Variants in MYO6 observed in about 807,000 individuals in gnomAD.
The protein encoded by MYO6 is myosin VI.
A neutral mutation model predicts 178.7 loss-of-function variants in MYO6; 74 were observed. That is an observed-to-expected ratio of 0.41 (90% CI 0.34 to 0.50). The LOEUF (loss-of-function observed/expected upper bound fraction) is 0.50, where lower values mean the gene tolerates loss of function less well. Ranked by LOEUF, MYO6 falls within the 20% of genes least tolerant of loss-of-function variation. The probability of loss-of-function intolerance (pLI) is 0.09; values close to 1 mark genes in which losing one functional copy is unlikely to be tolerated. For missense variants in MYO6, 1,330 were observed against 1,547.4 expected, an observed-to-expected ratio of 0.86 and a Z score of 2.36; for synonymous variants, 477 against 504.6, an observed-to-expected ratio of 0.95 and a Z score of 0.73.
At chr6:75,896,190 C>CT (rs1420419591) in intron 29 of MYO6, among the ~76,000 whole-genome samples, 2 of 152,176 alleles carry the variant, frequency 1.3e-5, no homozygotes, top group African/African-American at 4.8e-5. Flanking sequence ...ATTCTCAACT[C>CT]TATCAGGCTC....
At chr6:75,885,591 C>T (rs189974575) in intron 23 of MYO6, among the ~76,000 whole-genome samples, 3 of 152,214 alleles carry the variant, frequency 2.0e-5, no homozygotes, top group African/African-American at 2.4e-5. Context: ...GGATTACAGG[C>T]GCCCGCCACC....
chr6:75,776,653 AGT>A lies in MYO6; in HGVS notation c.-48+27259_-48+27260del, dbSNP rs35830759. On this transcript the variant is annotated intron_variant, in intron 1 of 34. Transcript: ENST00000369977. ...CATTTTTAGTCTTGTAGAAACGTGC[AGT>A]GTGTGTGTGTGTGTGTGTGTGTGTG... is the stretch of plus-strand genomic sequence containing the variant. 1.5e-3 allele frequency among the ~76,000 whole-genome samples: 214 copies of A among 144,694 alleles called. 1 individual carries two copies. The highest frequency in any genetic ancestry group is 3.6e-3 in the Middle Eastern group (1 of 280). The allele number at this position is 144,694 out of a possible 152,430, so 94.9% of individuals were successfully genotyped here.
chr6:75,820,806 A>G (rs1771792524), intron 2 of MYO6, among the ~76,000 whole-genome samples: 1 of 152,084 alleles, frequency 6.6e-6, no homozygotes, highest in Non-Finnish European at 1.5e-5. Flanking sequence ...ACTGTTGACT[A>G]CTTTTTCCTT....
chr6:75,894,675 C>A, intron 28 of MYO6: 1 of 508,246 alleles, frequency 2.0e-6, no homozygotes. Flanking sequence ...AGTTTTTTCT[C>A]TAACAAATTT....
intron 3 of MYO6, among the ~76,000 whole-genome samples, chr6:75,823,623 T>G (rs1772136388): frequency 6.6e-6 from 1 of 152,240 alleles, no homozygotes; most frequent in African/African-American, 2.4e-5. Context: ...GTGTTATTAT[T>G]GATTTTCTCT....
Position 75,886,958 on chromosome 6 carries a change from G to T in MYO6, c.2622G>T (p.Leu874=), listed in dbSNP as rs764440390. 1 of 1,613,586 alleles carries T rather than the reference G, an allele frequency of 6.2e-7. No individual in the cohort carries two copies. Among genetic ancestry groups the T allele is most frequent in the South Asian group, 1.1e-5 (1 of 91,042 alleles). The change falls in exon 25 of 35, where the codon CTG becomes CTT. Residue 874 remains leucine (L), a synonymous_variant. Transcript: ENST00000369977. ...KPEMNKQIKN[L]EISIDTLMAK... is the part of the protein sequence containing the mutation. ...AGATGAATAAACAGATCAAGAATCT[G>T]GAAATTTCTATTGATACTTTGATGG...
Position 75,756,947 on chromosome 6 carries a change from A to ATGTGTATATATGTATACACACATATATAG in MYO6, c.-48+7596_-48+7624dup, listed in dbSNP as rs57884223. The stretch of plus-strand genomic sequence containing the variant: ...TACACACCATATATAGTGTGTATAT[A>ATGTGTATATATGTATACACACATATATAG]TGTGTATATATGTATACACACATAT... On this transcript the variant is annotated intron_variant, in intron 1 of 34. Coordinates refer to ENST00000369977, the MANE Select transcript of MYO6 (RefSeq NM_004999.4). Among the ~76,000 whole-genome samples the ATGTGTATATATGTATACACACATATATAG allele has an allele frequency of 5.1e-4, 42 of 81,928 alleles. 5 individuals carry two copies. The highest frequency in any genetic ancestry group is 1.0e-3 in the East Asian group (3 of 2,966). The allele number at this position is 81,928 out of a possible 152,430, so 53.7% of individuals were successfully genotyped here. A position where few individuals can be genotyped will look rare whatever the true frequency, so the allele number is the denominator to read the frequency against.
intron 4 of MYO6, among the ~76,000 whole-genome samples, chr6:75,828,893 T>G (rs912440572): frequency 6.6e-6 from 1 of 152,148 alleles, no homozygotes; most frequent in Admixed American, 6.6e-5. Context: ...CTTAAAAATG[T>G]CCAGTTTGAG....
chr6:75,858,403 C>T (rs750697648), intron 13 of MYO6, among the ~76,000 whole-genome samples: 33 of 152,074 alleles, frequency 2.2e-4, no homozygotes, highest in East Asian at 1.9e-4. Context: ...GCCAGGAGTT[C>T]GAGACCAGCC....
At chr6:75,777,852 T>C (rs555423683) in intron 1 of MYO6, among the ~76,000 whole-genome samples, 2 of 152,314 alleles carry the variant, frequency 1.3e-5, no homozygotes, top group East Asian at 3.9e-4. Context: ...AATGAAATTA[T>C]TTGAAGGCCA....
intron 27 of MYO6, among the ~76,000 whole-genome samples, chr6:75,892,178 C>A (rs1778954078): frequency 6.6e-6 from 1 of 152,132 alleles, no homozygotes; most frequent in South Asian, 2.1e-4. Context: ...ATATCCTAAG[C>A]ATAACCAAAA....
At chr6:75,764,590 C>T (rs1331033722) in intron 1 of MYO6, among the ~76,000 whole-genome samples, 1 of 152,036 alleles carries the variant, frequency 6.6e-6, no homozygotes, top group Non-Finnish European at 1.5e-5. Context: ...AACTGCCTAG[C>T]GAGGGGCTTT....
rs1027482682 is a variant in MYO6 at position 75,808,032 on chromosome 6, C to A, written c.-47-9469C>A. Among the ~76,000 whole-genome samples, 13 of 152,300 alleles carry A rather than the reference C, an allele frequency of 8.5e-5. No homozygotes were observed. In the East Asian group the frequency reaches 2.5e-3, roughly 29 times the overall value. On this transcript the variant is annotated intron_variant, in intron 1 of 34. Transcript: ENST00000369977. Reference sequence around the variant, plus strand: ...GTTGCCTCGTCTTTATCTTCTATAGCTTCTAGTGAATATTTCATTTCTATT... The same window carrying A: ...GTTGCCTCGTCTTTATCTTCTATAGATTCTAGTGAATATTTCATTTCTATT...
chr6:75,837,043 C>T (rs1773712426), intron 7 of MYO6, among the ~76,000 whole-genome samples: 1 of 152,156 alleles, frequency 6.6e-6, no homozygotes, highest in Non-Finnish European at 1.5e-5. Context: ...ATGCTTTAAT[C>T]ACATTGGGCT....
intron 1 of MYO6, among the ~76,000 whole-genome samples, chr6:75,786,510 C>T (rs1449274613): frequency 1.3e-5 from 2 of 152,224 alleles, no homozygotes; most frequent in Non-Finnish European, 2.9e-5. Flanking sequence ...TGAGTCTTCT[C>T]ACCTAAGGTC....
chr6:75,752,179 A>G (rs1270793971), intron 1 of MYO6, among the ~76,000 whole-genome samples: 2 of 152,008 alleles, frequency 1.3e-5, no homozygotes, highest in African/African-American at 4.8e-5. Context: ...ATTATTAGAG[A>G]TGGGGTTTCA....
chr6:75,791,058 C>T lies in MYO6; in HGVS notation c.-47-26443C>T, dbSNP rs56205349. Among the ~76,000 whole-genome samples the T allele has an allele frequency of 4.5e-3, 684 of 152,186 alleles. 8 individuals carry two copies. Among genetic ancestry groups the T allele is most frequent in the African/African-American group, 0.016 (653 of 41,512 alleles). The stretch of plus-strand genomic sequence containing the variant: ...ATGCCATTCTCCTGCCTCAACCTCC[C>T]GAGTAGCTGGACTACAGGCGCCTGC... On this transcript the variant is annotated intron_variant, in intron 1 of 34. Transcript: ENST00000369977.
intron 1 of MYO6, among the ~76,000 whole-genome samples, chr6:75,806,197 C>A (rs941097235): frequency 3.3e-5 from 5 of 151,812 alleles, no homozygotes; most frequent in African/African-American, 9.7e-5. Flanking sequence ...TAAGCCTGGG[C>A]AACATGGCAA....
intron 30 of MYO6, among the ~76,000 whole-genome samples, chr6:75,903,315 G>T (rs367771662): frequency 6.6e-5 from 10 of 152,110 alleles, no homozygotes; most frequent in East Asian, 3.9e-4. Context: ...TGTCTAATGT[G>T]GACAGTGGGG....
Sources: gnomAD v4.1 joint callset for allele counts (sites outside exome capture counted in the v4.1 genomes callset) on GRCh38, gnomAD v4.1.1 for gene constraint, MANE v1.5 for transcripts, NCBI Gene and HGNC (gene_info 2026-07-23, HGNC 2026-07-21) for gene names.